TTC28: variants seen among roughly 807,000 people sequenced by gnomAD.
TTC28 encodes the protein tetratricopeptide repeat domain 28, also known as tetratricopeptide repeat protein 28.
Under a neutral mutation model 198.0 loss-of-function variants are expected in TTC28, and 61 were observed. That is an observed-to-expected ratio of 0.31 (90% CI 0.25 to 0.38). The LOEUF (loss-of-function observed/expected upper bound fraction) is 0.38, where lower values mean the gene tolerates loss of function less well. TTC28 is among the 10% of genes least tolerant of loss of function. The pLI is 1.00. For synonymous variants in TTC28, 1,171 were observed against 1,297.8 expected, an observed-to-expected ratio of 0.90 and a Z score of 2.10; for missense variants, 2,678 against 3,164.0, an observed-to-expected ratio of 0.85 and a Z score of 3.69.
chr22:28,633,153 G>A (rs1228358334), intron 1 of TTC28, among the ~76,000 whole-genome samples: 1 of 151,462 alleles, frequency 6.6e-6, no homozygotes, highest in Non-Finnish European at 1.5e-5. Context: ...GGTGGCGGGT[G>A]CCTATAATCC....
chr22:28,305,266 C>T (rs924161134), intron 3 of TTC28, among the ~76,000 whole-genome samples: 6 of 152,138 alleles, frequency 3.9e-5, no homozygotes, highest in African/African-American at 4.8e-5. Context: ...GCTGGGATTA[C>T]AGGCATAAGC....
chr22:28,442,973 G>C (rs1468948196), intron 2 of TTC28: 2 of 152,426 alleles, frequency 1.3e-5, no homozygotes, highest in Non-Finnish European at 2.9e-5. Flanking sequence ...GCAGATGCAG[G>C]GCAGCGACGA....
intron 2 of TTC28, among the ~76,000 whole-genome samples, chr22:28,585,659 C>G (rs906577806): frequency 6.6e-6 from 1 of 152,120 alleles, no homozygotes; most frequent in Non-Finnish European, 1.5e-5. Flanking sequence ...TAAGCCTTAT[C>G]TACATTTTAT....
intron 5 of TTC28, among the ~76,000 whole-genome samples, chr22:28,266,867 G>A (rs1301593572): frequency 6.6e-6 from 1 of 152,112 alleles, no homozygotes; most frequent in Admixed American, 6.6e-5. Flanking sequence ...TCTGAAAATT[G>A]TCTACTTACT....
chr22:28,358,310 C>T (rs1203587549), intron 2 of TTC28, among the ~76,000 whole-genome samples: 5 of 152,206 alleles, frequency 3.3e-5, no homozygotes, highest in Admixed American at 1.3e-4. Flanking sequence ...ATAGCACAAT[C>T]TCTCAGCTCA....
intron 2 of TTC28, among the ~76,000 whole-genome samples, chr22:28,341,164 T>A (rs1487806686): frequency 6.6e-6 from 1 of 152,180 alleles, no homozygotes; most frequent in African/African-American, 2.4e-5. Context: ...GTAATTCAGA[T>A]GAATTGAAGA....
intron 5 of TTC28, among the ~76,000 whole-genome samples, chr22:28,211,818 C>G (rs1362885764): frequency 6.6e-6 from 1 of 152,166 alleles, no homozygotes; most frequent in African/African-American, 2.4e-5. Flanking sequence ...CCCAAATCAA[C>G]AGAATATACA....
Position 28,615,718 on chromosome 22 carries a change from T to C in TTC28, c.381+13834A>G, listed in dbSNP as rs2050894018. 4.7e-5 allele frequency among the ~76,000 whole-genome samples: 7 copies of C among 150,218 alleles called. No individual in the cohort carries two copies. The South Asian group carries it at 1.5e-3, about 31-fold the overall frequency. ...GGACAGAAAACCAAAGACCACATGTTTGCACTCATAAGTGGGTGTTCAACA... is the reference window on the plus strand; with the variant it reads ...GGACAGAAAACCAAAGACCACATGTCTGCACTCATAAGTGGGTGTTCAACA... On this transcript the variant is annotated intron_variant, in intron 2 of 22. Coordinates refer to ENST00000397906, the MANE Select transcript of TTC28 (RefSeq NM_001145418.2).
intron 2 of TTC28, among the ~76,000 whole-genome samples, chr22:28,445,523 G>A (rs2047689064): frequency 6.6e-6 from 1 of 152,132 alleles, no homozygotes; most frequent in African/African-American, 2.4e-5. Flanking sequence ...TCTTACCATG[G>A]ACTGTAATGC....
intron 5 of TTC28, among the ~76,000 whole-genome samples, chr22:28,239,663 A>C (rs1336109455): frequency 1.3e-5 from 2 of 152,190 alleles, no homozygotes; most frequent in Non-Finnish European, 2.9e-5. Flanking sequence ...TATTGCTCTC[A>C]TGTAGGTTTT....
intron 2 of TTC28, among the ~76,000 whole-genome samples, chr22:28,465,791 T>C (rs2048011623): frequency 6.6e-6 from 1 of 152,176 alleles, no homozygotes; most frequent in South Asian, 2.1e-4. Context: ...ATCTCAACTA[T>C]CATCAAAGAC....
At chr22:28,401,642 C>A (rs529316015) in intron 2 of TTC28, among the ~76,000 whole-genome samples, 1 of 152,046 alleles carries the variant, frequency 6.6e-6, no homozygotes, top group African/African-American at 2.4e-5. Context: ...AAAACTAAAC[C>A]AGGTCAGGCA....
intron 2 of TTC28, among the ~76,000 whole-genome samples, chr22:28,403,736 A>G (rs2046955020): frequency 6.6e-6 from 1 of 152,212 alleles, no homozygotes; most frequent in African/African-American, 2.4e-5. Flanking sequence ...TTCACGTATA[A>G]CAAGGGTGTG....
chr22:28,470,437 A>C (rs975833136), intron 2 of TTC28, among the ~76,000 whole-genome samples: 10 of 152,154 alleles, frequency 6.6e-5, no homozygotes, highest in Non-Finnish European at 1.0e-4. Flanking sequence ...GCCCAAGAAG[A>C]AGCTATGCAA....
At chr22:28,486,838 A>C (rs1238911986) in intron 2 of TTC28, among the ~76,000 whole-genome samples, 1 of 152,230 alleles carries the variant, frequency 6.6e-6, no homozygotes, top group African/African-American at 2.4e-5. Flanking sequence ...TGTGAGATTA[A>C]AGATCATTAT....
chr22:28,298,191 G>C (rs16986272), intron 3 of TTC28, among the ~76,000 whole-genome samples: 3,276 of 152,188 alleles, frequency 0.022, 115 homozygotes, highest in African/African-American at 0.075. Context: ...AGTCCTACTT[G>C]TACTGGGAAT....
At chr22:28,171,615 A>T (rs1194258849) in intron 5 of TTC28, among the ~76,000 whole-genome samples, 1 of 134,428 alleles carries the variant, frequency 7.4e-6, no homozygotes. Flanking sequence ...TGCAAATGGC[A>T]TATTTGCAAA....
intron 2 of TTC28, among the ~76,000 whole-genome samples, chr22:28,316,174 C>A (rs1325590965): frequency 6.6e-6 from 1 of 152,134 alleles, no homozygotes; most frequent in African/African-American, 2.4e-5. Flanking sequence ...TGCAGCCTTT[C>A]TTATCTGTGT....
At chr22:28,640,591 T>TAAA (rs1555906391) in intron 1 of TTC28, among the ~76,000 whole-genome samples, 1 of 150,698 alleles carries the variant, frequency 6.6e-6, no homozygotes, top group Non-Finnish European at 1.5e-5. Context: ...ATAATAATAA[T>TAAA]AAACAGAGAA....
Sources: allele counts gnomAD v4.1 joint callset (sites outside exome capture counted in the v4.1 genomes callset), GRCh38; gene constraint gnomAD v4.1.1; transcripts MANE v1.5; gene names NCBI Gene and HGNC (gene_info 2026-07-23, HGNC 2026-07-21).